Variants in COL22A1 observed in about 807,000 individuals in gnomAD.
The protein encoded by COL22A1 is collagen type XXII alpha 1 chain, also known as collagen alpha-1(XXII) chain.
COL22A1 carries 221 observed loss-of-function variants against 248.9 expected under a neutral mutation model. That is an observed-to-expected ratio of 0.89 (90% CI 0.80 to 0.99). The LOEUF is 0.99. Among genes scored for constraint, COL22A1 ranks in the 50% least tolerant of loss-of-function variants. The pLI, the probability that COL22A1 is intolerant of heterozygous loss-of-function variation, is 0.00. For missense variants in COL22A1, 2,240 were observed against 2,179.0 expected, an observed-to-expected ratio of 1.03 and a Z score of -0.56; for synonymous variants, 891 against 793.4, an observed-to-expected ratio of 1.12 and a Z score of -2.07.
At chr8:138,901,909 G>A (rs1414467169) in intron 1 of COL22A1, among the ~76,000 whole-genome samples, 2 of 152,018 alleles carry the variant, frequency 1.3e-5, no homozygotes, top group Non-Finnish European at 2.9e-5. Flanking sequence ...GGAAGGCGGG[G>A]CTACCTGCAC....
At chr8:138,719,930 G>A (rs181548234) in intron 27 of COL22A1, among the ~76,000 whole-genome samples, 19 of 152,290 alleles carry the variant, frequency 1.2e-4, no homozygotes, top group Admixed American at 3.3e-4. Flanking sequence ...AGAACTCCCC[G>A]CAATCTCCTG....
chr8:138,854,018 C>T (rs1041341637), intron 3 of COL22A1, among the ~76,000 whole-genome samples: 3 of 152,132 alleles, frequency 2.0e-5, no homozygotes, highest in Non-Finnish European at 4.4e-5. Context: ...CCCTTTAGAA[C>T]CCCTTAAATG....
intron 30 of COL22A1, among the ~76,000 whole-genome samples, chr8:138,706,369 T>C (rs1283963155): frequency 2.0e-5 from 3 of 152,166 alleles, no homozygotes; most frequent in Non-Finnish European, 2.9e-5. Flanking sequence ...CATTCCAAAA[T>C]TGGCCACATA....
chr8:138,858,406 G>C (rs1448957530), intron 3 of COL22A1, among the ~76,000 whole-genome samples: 1 of 151,604 alleles, frequency 6.6e-6, no homozygotes, highest in African/African-American at 2.4e-5. Flanking sequence ...TTAGAGGCTG[G>C]GTCTTGCTTT....
chr8:138,893,679 T>C (rs1287471484), intron 1 of COL22A1, among the ~76,000 whole-genome samples: 2 of 152,238 alleles, frequency 1.3e-5, no homozygotes, highest in Admixed American at 1.3e-4. Context: ...TCTGAGCAAT[T>C]CAGAGAACTG....
rs533255542 is a variant in COL22A1 at position 138,807,936 on chromosome 8, A to C, written c.1450-124T>G. ...TGGCTTAGTAAGCCCAGCGCCGACCAATGAGTTGGGCAAGGAAATTGGTTG... is the reference window on the plus strand; with the variant it reads ...TGGCTTAGTAAGCCCAGCGCCGACCCATGAGTTGGGCAAGGAAATTGGTTG... On this transcript the variant is annotated intron_variant, in intron 9 of 64. Coordinates refer to ENST00000303045, the MANE Select transcript of COL22A1 (RefSeq NM_152888.3). 1.4e-4 allele frequency: 131 copies of C among 905,436 alleles called. No homozygotes were observed. The African/African-American group carries it at 2.0e-3, about 14-fold the overall frequency. 56.1% of individuals were successfully genotyped at this position (905,436 alleles called of 1,614,324 possible).
At chr8:138,724,723 T>C (rs1447184903) in intron 24 of COL22A1, 55 bp from the exon 25 acceptor site, 3 of 1,550,138 alleles carry the variant, frequency 1.9e-6, no homozygotes, top group Non-Finnish European at 8.9e-7. Flanking sequence ...GATCAGATCA[T>C]TGACTCAACC....
chr8:138,812,015 GC>G, intron 8 of COL22A1, 94 bp from the exon 9 acceptor site: 1 of 1,390,590 alleles, frequency 7.2e-7, no homozygotes, highest in East Asian at 2.5e-5. Flanking sequence ...TCAGAACCAG[GC>G]AGCCAAAGGT....
intron 16 of COL22A1, among the ~76,000 whole-genome samples, chr8:138,770,698 G>C (rs577154619): frequency 1.3e-5 from 2 of 152,324 alleles, no homozygotes; most frequent in South Asian, 4.1e-4. Flanking sequence ...ACCAATACGA[G>C]AGCTGAAAAG....
chr8:138,802,185 C>T (rs956163458), intron 11 of COL22A1, among the ~76,000 whole-genome samples: 3 of 152,058 alleles, frequency 2.0e-5, no homozygotes, highest in African/African-American at 4.8e-5. Flanking sequence ...TTGGTGAAGC[C>T]GGAATTCACT....
intron 45 of COL22A1, among the ~76,000 whole-genome samples, chr8:138,652,288 G>A (rs558227070): frequency 1.3e-5 from 2 of 152,344 alleles, no homozygotes; most frequent in South Asian, 4.1e-4. Flanking sequence ...ATCTCCCTGA[G>A]TCTCCTTATC....
chr8:138,779,483 A>T, intron 14 of COL22A1, 26 bp downstream of exon 14: 1 of 1,577,026 alleles, frequency 6.3e-7, no homozygotes, highest in Non-Finnish European at 8.7e-7. Flanking sequence ...GAGCATCAGA[A>T]GGGCCCAGCT....
At position 138,589,064 on chromosome 8, in the gene COL22A1, C is replaced by T. The variant is rs983479980; in HGVS notation, c.*189G>A. Reference sequence around the variant, plus strand: ...ACAATAATATTAATAATAATCTGACCGACCGGCAGCGTCTGTTGGATTTAA... The same window carrying T: ...ACAATAATATTAATAATAATCTGACTGACCGGCAGCGTCTGTTGGATTTAA... On this transcript the variant is annotated 3_prime_UTR_variant, in exon 65 of 65. Coordinates refer to ENST00000303045, the MANE Select transcript of COL22A1 (RefSeq NM_152888.3). 16 of 573,816 alleles carry T rather than the reference C, an allele frequency of 2.8e-5. No individual in the cohort carries two copies. Among genetic ancestry groups the T allele is most frequent in the African/African-American group, 9.9e-5 (5 of 50,262 alleles). 35.5% of individuals were successfully genotyped at this position (573,816 alleles called of 1,614,324 possible).
rs542144796 is a variant in COL22A1 at position 138,606,247 on chromosome 8, C to T, written c.4104+134G>A. On this transcript the variant is annotated intron_variant, in intron 58 of 64. Coordinates refer to ENST00000303045, the MANE Select transcript of COL22A1 (RefSeq NM_152888.3). ...CACTGTCTCTTAAACCATGATGCAA[C>T]TTTGACCCCACACAGGTCATCATGG... 4 of 787,952 alleles carry T rather than the reference C, an allele frequency of 5.1e-6. No homozygotes were observed. In the East Asian group the frequency reaches 1.1e-4, roughly 21 times the overall value. The allele number at this position is 787,952 out of a possible 1,614,324, so 48.8% of individuals were successfully genotyped here.
chr8:138,784,806 T>C (rs7460631), intron 12 of COL22A1, among the ~76,000 whole-genome samples: 3 of 151,890 alleles, frequency 2.0e-5, no homozygotes, highest in Non-Finnish European at 4.4e-5. Flanking sequence ...TGAAACAAAG[T>C]CACAGACAGC....
At chr8:138,685,100 G>T in intron 38 of COL22A1, 108 bp downstream of exon 38, 1 of 800,220 alleles carries the variant, frequency 1.2e-6, no homozygotes, top group Non-Finnish European at 2.1e-6. Flanking sequence ...CCATTTCATT[G>T]GCCACGGTTC....
chr8:138,659,393 G>A (rs1823588954), intron 44 of COL22A1, among the ~76,000 whole-genome samples: 1 of 152,164 alleles, frequency 6.6e-6, no homozygotes, highest in African/African-American at 2.4e-5. Flanking sequence ...TAGCAGGTCA[G>A]GCTTACAAAA....
At chr8:138,710,658 G>C (rs1297623785) in intron 30 of COL22A1, among the ~76,000 whole-genome samples, 2 of 151,400 alleles carry the variant, frequency 1.3e-5, no homozygotes, top group African/African-American at 4.9e-5. Flanking sequence ...GCATAAAAAT[G>C]TCAATGAACC....
At chr8:138,770,717 G>A (rs1256021872) in intron 16 of COL22A1, among the ~76,000 whole-genome samples, 4 of 152,182 alleles carry the variant, frequency 2.6e-5, no homozygotes, top group South Asian at 2.1e-4. Flanking sequence ...AGGGGTGTTC[G>A]GCATCACGCA....
Sources: gnomAD v4.1 joint callset for allele counts (sites outside exome capture counted in the v4.1 genomes callset) on GRCh38, gnomAD v4.1.1 for gene constraint, MANE v1.5 for transcripts, NCBI Gene and HGNC (gene_info 2026-07-23, HGNC 2026-07-21) for gene names.